The following IGSF3 variants were observed in gnomAD, a reference collection of about 807,000 sequenced individuals.
IGSF3 encodes glu-Trp-Ile EWI motif-containing protein 3.
Under a neutral mutation model 114.4 loss-of-function variants are expected in IGSF3, and 23 were observed. The observed-to-expected ratio is 0.20, with a 90% CI of 0.14 to 0.28. IGSF3 has a LOEUF of 0.28. Among genes scored for constraint, IGSF3 ranks in the 10% least tolerant of loss-of-function variants. The pLI is 1.00. For synonymous variants in IGSF3, 571 were observed against 645.2 expected, an observed-to-expected ratio of 0.88 and a Z score of 1.74; for missense variants, 1,172 against 1,591.5, an observed-to-expected ratio of 0.74 and a Z score of 4.48.
chr1:116,599,839 GA>G, intron 7 of IGSF3, 101 bp downstream of exon 7: 1 of 1,011,530 alleles, frequency 9.9e-7, no homozygotes, highest in Non-Finnish European at 1.4e-6. Flanking sequence ...GAAGAGCTGG[GA>G]AAGGGGGAAG....
chr1:116,609,366 C>A (rs573385641), intron 4 of IGSF3, among the ~76,000 whole-genome samples: 1 of 152,026 alleles, frequency 6.6e-6, no homozygotes, highest in Non-Finnish European at 1.5e-5. Flanking sequence ...CCCACCTCAG[C>A]CTCCGGAGTA....
chr1:116,619,468 A>G (rs1420468530), intron 2 of IGSF3, among the ~76,000 whole-genome samples: 1 of 152,236 alleles, frequency 6.6e-6, no homozygotes, highest in Non-Finnish European at 1.5e-5. Context: ...CTTTAACCAC[A>G]CACATTCAGC....
chr1:116,602,174 C>G (rs1466200675), intron 6 of IGSF3, among the ~76,000 whole-genome samples: 2 of 152,226 alleles, frequency 1.3e-5, no homozygotes, highest in East Asian at 1.9e-4. Context: ...TGGTGGAGAT[C>G]AGGTGAACAG....
In IGSF3 at chr1:116,628,798, G is replaced by A. The variant is rs541735707; in HGVS notation, c.44-12341C>T. Reference sequence around the variant, plus strand: ...TCCTGTGCTTGGCTCTCATCAGTGGGTAGCCCTGGATTGGACATTTTCCCT... The same window carrying A: ...TCCTGTGCTTGGCTCTCATCAGTGGATAGCCCTGGATTGGACATTTTCCCT... On this transcript the variant is annotated intron_variant, in intron 2 of 10. Coordinates refer to ENST00000369486, the MANE Select transcript of IGSF3 (RefSeq NM_001007237.3). The surrounding 1 kb of genome is among the most constrained non-coding windows in gnomAD (Gnocchi z 4.2). Among the ~76,000 whole-genome samples, 1 of 152,218 alleles carries A rather than the reference G, an allele frequency of 6.6e-6. No individual in the cohort carries two copies. Among genetic ancestry groups the A allele is most frequent in the South Asian group, 2.1e-4 (1 of 4,822 alleles).
At chr1:116,631,337 A>C (rs1422860574) in intron 2 of IGSF3, among the ~76,000 whole-genome samples, 1 of 151,540 alleles carries the variant, frequency 6.6e-6, no homozygotes, top group South Asian at 2.1e-4. Flanking sequence ...AAAAAAAAAA[A>C]AAAAGAGCAT....
chr1:116,605,680 T>C lies in IGSF3; in HGVS notation c.1223-1655A>G, dbSNP rs527264795. Among the ~76,000 whole-genome samples the C allele has an allele frequency of 6.6e-6, 1 of 152,288 alleles. No individual in the cohort carries two copies. Among genetic ancestry groups the C allele is most frequent in the South Asian group, 2.1e-4 (1 of 4,826 alleles). On this transcript the variant is annotated intron_variant, in intron 5 of 10. Transcript: ENST00000369486. This position sits in a 1 kb window ranked among gnomAD's most constrained non-coding sequence, Gnocchi z 5.1. ...AGGGCATGACATTGAGAGGATCAGA[T>C]GAGGTACTTATTTTTCATCATCATT... is the stretch of plus-strand genomic sequence containing the variant.
At chr1:116,602,719 A>G (rs1456837877) in intron 6 of IGSF3, among the ~76,000 whole-genome samples, 1 of 152,226 alleles carries the variant, frequency 6.6e-6, no homozygotes, top group Non-Finnish European at 1.5e-5. Flanking sequence ...AGGGAGTGGG[A>G]CATAAAGTTG....
In IGSF3 at chr1:116,642,769, C is replaced by T. The variant is rs753570682; in HGVS notation, c.43+23515G>A. On this transcript the variant is annotated intron_variant, in intron 2 of 10. Coordinates refer to ENST00000369486, the MANE Select transcript of IGSF3 (RefSeq NM_001007237.3). This position sits in a 1 kb window ranked among gnomAD's most constrained non-coding sequence, Gnocchi z 5.4. ...GATGCGCTGTAGTATCATCAATCAC[C>T]GCTGCTGCTCGCTGGGACTTGGAAG... is the stretch of plus-strand genomic sequence containing the variant. Among the ~76,000 whole-genome samples, 6 of 152,220 alleles carry T rather than the reference C, an allele frequency of 3.9e-5. No homozygotes were observed. Among genetic ancestry groups the T allele is most frequent in the East Asian group, 1.9e-4 (1 of 5,192 alleles).
In IGSF3 at chr1:116,607,903, G is replaced by C. The variant is rs1660852194; in HGVS notation, c.1222+39C>G. 2.5e-6 allele frequency: 4 copies of C among 1,598,282 alleles called. No homozygotes were observed. The highest frequency in any genetic ancestry group is 1.7e-5 in the Admixed American group (1 of 59,556). ...CCCCCTACCTCTCCTAAATGATGCT[G>C]AGCCAAAGGAGAAGAAAGCAGCACA... On this transcript the variant is annotated intron_variant, in intron 5 of 10. Transcript: ENST00000369486. This position sits in a 1 kb window ranked among gnomAD's most constrained non-coding sequence, Gnocchi z 6.1.
In IGSF3 at chr1:116,648,649, C is replaced by A. The variant is rs1166005520; in HGVS notation, c.43+17635G>T. Among the ~76,000 whole-genome samples, 2 of 152,320 alleles carry A rather than the reference C, an allele frequency of 1.3e-5. No individual in the cohort carries two copies. The highest frequency in any genetic ancestry group is 3.9e-4 in the East Asian group (2 of 5,190). ...CTCCGGACTGCTTGCAGAAAAGGCA[C>A]ATTTTGACTCTTCTGAGAGTGGGAA... is the stretch of plus-strand genomic sequence containing the variant. On this transcript the variant is annotated intron_variant, in intron 2 of 10. Coordinates refer to ENST00000369486, the MANE Select transcript of IGSF3 (RefSeq NM_001007237.3). This position sits in a 1 kb window ranked among gnomAD's most constrained non-coding sequence, Gnocchi z 4.7.
At position 116,579,798 on chromosome 1, in the gene IGSF3, G is replaced by A. The variant is rs377661045; in HGVS notation, c.2928C>T (p.Ile976=). The stretch of plus-strand genomic sequence containing the variant: ...GGGAGTCCTGGCTGGAGCGGGACAC[G>A]ATGCTACAGTCCAGCTGGAAAGCTG... ...EKAAFQLDCS[I]VSRSSQDSRF... Residue 976 remains isoleucine, a synonymous_variant, in exon 10 of 11, where the codon ATC becomes ATT. Transcript: ENST00000369486. This position sits in a 1 kb window ranked among gnomAD's most constrained non-coding sequence, Gnocchi z 6.4. 15 of 1,613,872 alleles carry A rather than the reference G, an allele frequency of 9.3e-6. No individual in the cohort carries two copies. In the African/African-American group the frequency reaches 1.3e-4, roughly 14 times the overall value.
At position 116,634,733 on chromosome 1, in the gene IGSF3, T is replaced by G. The variant is rs377085436; in HGVS notation, c.44-18276A>C. ...GAGAGGGCAGAACCTGTGTTTCCTC[T>G]CCCTGAATCTAGGTGGGCTACAGCT... On this transcript the variant is annotated intron_variant, in intron 2 of 10. Coordinates refer to ENST00000369486, the MANE Select transcript of IGSF3 (RefSeq NM_001007237.3). The surrounding 1 kb of genome is among the most constrained non-coding windows in gnomAD (Gnocchi z 4.2). Among the ~76,000 whole-genome samples the G allele has an allele frequency of 1.3e-5, 2 of 152,082 alleles. No individual in the cohort carries two copies. The highest frequency in any genetic ancestry group is 3.8e-4 in the East Asian group (2 of 5,196).
intron 4 of IGSF3, among the ~76,000 whole-genome samples, chr1:116,611,033 C>A (rs1348716019): frequency 6.6e-6 from 1 of 152,190 alleles, no homozygotes; most frequent in Non-Finnish European, 1.5e-5. Context: ...ACAGTTGGAC[C>A]CCTCCTTCCA....
At chr1:116,602,882 C>T (rs1352685200) in intron 6 of IGSF3, among the ~76,000 whole-genome samples, 6 of 152,238 alleles carry the variant, frequency 3.9e-5, no homozygotes, top group African/African-American at 1.4e-4. Flanking sequence ...CCATGAGAAG[C>T]AAATCTAATC....
chr1:116,599,637 T>C (rs1660488059), intron 7 of IGSF3, among the ~76,000 whole-genome samples: 1 of 152,162 alleles, frequency 6.6e-6, no homozygotes, highest in African/African-American at 2.4e-5. Context: ...AGGAGTTACA[T>C]GCTGAAGTAC....
chr1:116,654,779 C>T lies in IGSF3; in HGVS notation c.43+11505G>A, dbSNP rs757489887. ...CCAATTCCCACACACAAGCAACATC[C>T]CCAGCAGTAATAAGGACGTTCCACA... On this transcript the variant is annotated intron_variant, in intron 2 of 10. Coordinates refer to ENST00000369486, the MANE Select transcript of IGSF3 (RefSeq NM_001007237.3). The surrounding 1 kb of genome is among the most constrained non-coding windows in gnomAD (Gnocchi z 4.4). Among the ~76,000 whole-genome samples, 6 of 152,126 alleles carry T rather than the reference C, an allele frequency of 3.9e-5. No individual in the cohort carries two copies. Among genetic ancestry groups the T allele is most frequent in the Non-Finnish European group, 7.3e-5 (5 of 68,040 alleles).
At chr1:116,604,979 T>C (rs1476028246) in intron 5 of IGSF3, among the ~76,000 whole-genome samples, 2 of 152,196 alleles carry the variant, frequency 1.3e-5, no homozygotes, top group Admixed American at 6.5e-5. Flanking sequence ...TTTCAAAAAC[T>C]GGTCATCATG....
chr1:116,613,390 T>TTA (rs1484504670), intron 4 of IGSF3, among the ~76,000 whole-genome samples: 1 of 152,174 alleles, frequency 6.6e-6, no homozygotes, highest in Non-Finnish European at 1.5e-5. Flanking sequence ...GGCAACATCA[T>TTA]TAAACGGGGC....
Position 116,616,212 on chromosome 1 carries a change from T to C in IGSF3, c.289A>G (p.Arg97Gly), listed in dbSNP as rs1661211329. The C allele has an allele frequency of 3.7e-6, 6 of 1,613,970 alleles. No homozygotes were observed. The highest frequency in any genetic ancestry group is 5.1e-6 in the Non-Finnish European group (6 of 1,179,876). ...AATAGGGTTGAGTTCCCCTGGACTC[T>C]TTCTATGAAGATCTTCCCTCCGCGG... ...RVRGGKIFIE[R>G]VQGNSTLLHI... The change falls in exon 3 of 11, where the codon AGA becomes GGA. Residue 97 changes from arginine to glycine, a missense_variant. Transcript: ENST00000369486. The surrounding 1 kb of genome is among the most constrained non-coding windows in gnomAD (Gnocchi z 6.6).
Sources: gnomAD v4.1 joint callset for allele counts (sites outside exome capture counted in the v4.1 genomes callset) on GRCh38, gnomAD v4.1.1 for gene constraint, Gnocchi (gnomAD v3.1) non-coding constraint, MANE v1.5 for transcripts, NCBI Gene and HGNC (gene_info 2026-07-23, HGNC 2026-07-21) for gene names.